MACF1: variants seen among roughly 807,000 people sequenced by gnomAD.
The protein encoded by MACF1 is microtubule-actin cross-linking factor 1.
MACF1 carries 193 observed loss-of-function variants against 854.8 expected under a neutral mutation model. That is an observed-to-expected ratio of 0.23 (90% CI 0.20 to 0.25). MACF1 has a LOEUF of 0.25. MACF1 is among the 10% of genes least tolerant of loss of function. The probability of loss-of-function intolerance (pLI) is 1.00; values close to 1 mark genes in which losing one functional copy is unlikely to be tolerated. For missense variants in MACF1, 7,722 were observed against 8,929.1 expected, an observed-to-expected ratio of 0.86 and a Z score of 5.45; for synonymous variants, 3,185 against 3,226.7, an observed-to-expected ratio of 0.99 and a Z score of 0.44.
chr1:39,341,119 C>T (rs1354825155), intron 40 of MACF1, among the ~76,000 whole-genome samples, 166 bp downstream of exon 40: 2 of 151,470 alleles, frequency 1.3e-5, no homozygotes, highest in African/African-American at 2.4e-5. Context: ...CTGCAACCTC[C>T]GCCTCCTGGG....
intron 2 of MACF1, among the ~76,000 whole-genome samples, chr1:39,174,038 A>G (rs1266528356): frequency 1.3e-5 from 2 of 152,156 alleles, no homozygotes; most frequent in African/African-American, 4.8e-5. Flanking sequence ...GGGAGACTTA[A>G]TCGTGCTTTA....
rs139578945 is a variant in MACF1, at chr1:39,225,217, C to CTTTTTTTTTTTTT, written c.110-5955_110-5954insTTTTTTTTTTTTT. On this transcript the variant is annotated intron_variant, in intron 1 of 100. Transcript: ENST00000564288. ...AACAAATAGCAAATTTTTCTTTTTT[C>CTTTTTTTTTTTTT]TTTTTTTTTTGAGACGGAGTCTCGC... 5.6e-5 allele frequency among the ~76,000 whole-genome samples: 7 copies of CTTTTTTTTTTTTT among 125,196 alleles called. 2 individuals carry two copies. The highest frequency in any genetic ancestry group is 9.2e-5 in the African/African-American group (3 of 32,536). The allele number at this position is 125,196 out of a possible 152,430, so 82.1% of individuals were successfully genotyped here.
intron 6 of MACF1, among the ~76,000 whole-genome samples, chr1:39,259,502 TCCAC>T (rs1221957707): frequency 3.3e-5 from 5 of 152,218 alleles, no homozygotes; most frequent in South Asian, 4.1e-4. Context: ...TCTCAGGTGA[TCCAC>T]CCACCTCGGT....
At chr1:39,232,586 T>C (rs916123175) in intron 2 of MACF1, among the ~76,000 whole-genome samples, 3 of 152,204 alleles carry the variant, frequency 2.0e-5, no homozygotes, top group Non-Finnish European at 4.4e-5. Context: ...TTTTGGGCAG[T>C]CTCATCCATT....
chr1:39,145,296 C>A (rs1381803774), intron 2 of MACF1, among the ~76,000 whole-genome samples: 1 of 152,164 alleles, frequency 6.6e-6, no homozygotes, highest in Non-Finnish European at 1.5e-5. Context: ...TATAAACTCT[C>A]AATAAGTAAT....
chr1:39,122,049 T>G (rs928116582), intron 2 of MACF1, among the ~76,000 whole-genome samples: 1 of 152,166 alleles, frequency 6.6e-6, no homozygotes, highest in African/African-American at 2.4e-5. Flanking sequence ...ATTGTTTACC[T>G]TAAGACAGCC....
At chr1:39,110,230 CT>C (rs5773651) in intron 2 of MACF1, among the ~76,000 whole-genome samples, 7 of 84,592 alleles carry the variant, frequency 8.3e-5, no homozygotes, top group South Asian at 8.6e-4. Context: ...GGATGTTGTT[CT>C]TTTTTTTTTT....
intron 2 of MACF1, among the ~76,000 whole-genome samples, chr1:39,119,283 C>T (rs991811680): frequency 7.4e-6 from 1 of 135,672 alleles, no homozygotes; most frequent in Non-Finnish European, 1.5e-5. Context: ...CACCATTGCA[C>T]TCTAGCCTGG....
At position 39,332,912 on chromosome 1, in the gene MACF1, G is replaced by A. The variant is rs1465173574; in HGVS notation, c.6324G>A (p.Gln2108=). The part of the protein sequence containing the change: ...INKVKLEVQR[Q]LIGTQREDQT... Reference sequence around the variant, plus strand: ...AAGTCAAATTAGAGGTACAAAGGCAGTTGATAGGTACCCAAAGGGAAGACC... The same window carrying A: ...AAGTCAAATTAGAGGTACAAAGGCAATTGATAGGTACCCAAAGGGAAGACC... The change falls in exon 37 of 101, where the codon CAG becomes CAA. Residue 2108 remains glutamine, a synonymous_variant. Coordinates refer to ENST00000564288, the MANE Select transcript of MACF1 (RefSeq NM_001394062.1). 5 of 1,614,028 alleles carry A rather than the reference G, an allele frequency of 3.1e-6. No individual in the cohort carries two copies. Among genetic ancestry groups the A allele is most frequent in the Non-Finnish European group, 4.2e-6 (5 of 1,180,040 alleles).
chr1:39,459,337 T>C (rs954453198), intron 91 of MACF1, 88 bp downstream of exon 91: 3 of 1,359,460 alleles, frequency 2.2e-6, no homozygotes, highest in Non-Finnish European at 9.9e-7. Context: ...AATGTGAACC[T>C]TGTGTCTTAA....
chr1:39,392,931 G>GT (rs1642092033), intron 58 of MACF1, among the ~76,000 whole-genome samples: 1 of 151,978 alleles, frequency 6.6e-6, no homozygotes, highest in South Asian at 2.1e-4. Context: ...TCAGCTCTCT[G>GT]TTGGAAGTAG....
chr1:39,370,821 T>G (rs1028975937), intron 51 of MACF1, among the ~76,000 whole-genome samples: 4 of 152,120 alleles, frequency 2.6e-5, no homozygotes, highest in Admixed American at 2.6e-4. Context: ...CCATGGTGTT[T>G]TAAGAAATTT....
At chr1:39,197,931 C>A (rs1243699463) in intron 2 of MACF1, among the ~76,000 whole-genome samples, 1 of 152,080 alleles carries the variant, frequency 6.6e-6, no homozygotes, top group Non-Finnish European at 1.5e-5. Flanking sequence ...AGTGGAGTGG[C>A]TCATGTCTAT....
chr1:39,366,125 G>A (rs1648688340), intron 49 of MACF1, among the ~76,000 whole-genome samples: 1 of 152,128 alleles, frequency 6.6e-6, no homozygotes, highest in African/African-American at 2.4e-5. Flanking sequence ...TTTCATAGGT[G>A]TAGTTGCACA....
chr1:39,220,082 C>T (rs779961399), intron 1 of MACF1, among the ~76,000 whole-genome samples: 3 of 152,066 alleles, frequency 2.0e-5, no homozygotes, highest in Non-Finnish European at 2.9e-5. Context: ...TGTCTTGTAG[C>T]TATAACCTTG....
chr1:39,412,801 G>T (rs768630961), intron 58 of MACF1: 1 of 1,612,532 alleles, frequency 6.2e-7, no homozygotes, highest in Non-Finnish European at 8.5e-7. Flanking sequence ...TGTCAAAGAT[G>T]CCCTAGATGC....
intron 97 of MACF1, among the ~76,000 whole-genome samples, chr1:39,479,213 A>G (rs1357002227): frequency 2.0e-5 from 3 of 152,032 alleles, no homozygotes; most frequent in Non-Finnish European, 2.9e-5. Context: ...AGTTTTGTGC[A>G]TGGTCTTGAT....
At chr1:39,432,845 C>T (rs1643897393) in intron 67 of MACF1, among the ~76,000 whole-genome samples, 191 bp downstream of exon 67, 1 of 151,988 alleles carries the variant, frequency 6.6e-6, no homozygotes, top group South Asian at 2.1e-4. Context: ...AAAATAGGCC[C>T]ATTAATCCAT....
At chr1:39,250,576 A>AT (rs199849308) in intron 3 of MACF1, among the ~76,000 whole-genome samples, 76 of 151,510 alleles carry the variant, frequency 5.0e-4, no homozygotes, top group African/African-American at 1.4e-3. Context: ...GTATGAAGTT[A>AT]TTTTTTTTTC....
Sources: gnomAD v4.1 joint callset for allele counts (sites outside exome capture counted in the v4.1 genomes callset) on GRCh38, gnomAD v4.1.1 for gene constraint, MANE v1.5 for transcripts, NCBI Gene and HGNC (gene_info 2026-07-23, HGNC 2026-07-21) for gene names.